The following RAB10 variants were observed in gnomAD, a reference collection of about 807,000 sequenced individuals.
RAB10 encodes the protein RAB10, member RAS oncogene family.
In RAB10, 5 loss-of-function variants were observed where a neutral mutation model predicts 25.7. The ratio of observed to expected loss-of-function variants is 0.19; its 90% CI spans 0.10 to 0.41. The LOEUF is 0.41. Among genes scored for constraint, RAB10 ranks in the 10% least tolerant of loss-of-function variants. RAB10 has a pLI of 1.00. For missense variants in RAB10, 103 were observed against 245.8 expected (o/e 0.42, Z 3.89); for synonymous variants, 89 against 86.4 (o/e 1.03, Z -0.16).
In RAB10 at chr2:26,089,422, C is replaced by CA. The variant is rs11315031; in HGVS notation, c.128-9224dup. ...TGGGCGATAGAGTGAGACTCTGTCT[C>CA]AAAAAAAAAAAAAAAAGAGAGAGTG... On this transcript the variant is annotated intron_variant, in intron 1 of 5. Transcript: ENST00000264710. 9.5e-3 allele frequency among the ~76,000 whole-genome samples: 1,221 copies of CA among 128,428 alleles called. 12 individuals carry two copies. Among genetic ancestry groups the CA allele is most frequent in the African/African-American group, 0.026 (893 of 34,624 alleles). 84.3% of individuals were successfully genotyped at this position (128,428 alleles called of 152,430 possible).
rs374202361 is a variant in RAB10 at position 26,086,618 on chromosome 2, A to T, written c.128-12044A>T. On this transcript the variant is annotated intron_variant, in intron 1 of 5. Coordinates refer to ENST00000264710, the MANE Select transcript of RAB10 (RefSeq NM_016131.5). Reference sequence around the variant, plus strand: ...GTGTATGCCCAAAAGAATTGAAAACAGATACTCAAATACATGTATATGCAT... The same window carrying T: ...GTGTATGCCCAAAAGAATTGAAAACTGATACTCAAATACATGTATATGCAT... Among the ~76,000 whole-genome samples, 406 of 152,360 alleles carry T rather than the reference A, an allele frequency of 2.7e-3. 14 individuals carry two copies. In the South Asian group the frequency reaches 0.081, roughly 30 times the overall value.
chr2:26,063,924 A>G (rs1431053991), intron 1 of RAB10, among the ~76,000 whole-genome samples: 4 of 152,148 alleles, frequency 2.6e-5, no homozygotes, highest in African/African-American at 9.7e-5. Flanking sequence ...CAGCTGCCCA[A>G]GCAGCTGGGA....
chr2:26,130,515 C>T (rs772133599), intron 5 of RAB10, among the ~76,000 whole-genome samples: 9 of 151,796 alleles, frequency 5.9e-5, no homozygotes, highest in Non-Finnish European at 1.3e-4. Context: ...GACTATGTTG[C>T]CCAGGCTAGA....
upstream of RAB10, among the ~76,000 whole-genome samples, chr2:26,033,602 T>C (rs1395550571): frequency 2.6e-5 from 4 of 152,194 alleles, no homozygotes; most frequent in African/African-American, 9.6e-5. Context: ...TTTTCTCGCG[T>C]TTACGAGCTC....
At chr2:26,099,298 G>T (rs1667291747) in intron 2 of RAB10, among the ~76,000 whole-genome samples, 1 of 152,054 alleles carries the variant, frequency 6.6e-6, no homozygotes, top group Non-Finnish European at 1.5e-5. Flanking sequence ...CTTTATTGAG[G>T]TATAATCTAA....
intron 3 of RAB10, among the ~76,000 whole-genome samples, chr2:26,122,309 T>C (rs1667820864): frequency 6.6e-6 from 1 of 152,206 alleles, no homozygotes; most frequent in African/African-American, 2.4e-5. Context: ...GCAGCTCTTA[T>C]GTGGGTACAG....
In RAB10 at chr2:26,134,829, G is replaced by C. The variant is rs1668076168; in HGVS notation, c.520-109G>C. 3 of 799,138 alleles carry C rather than the reference G, an allele frequency of 3.8e-6. No individual in the cohort carries two copies. In the African/African-American group the frequency reaches 5.3e-5, roughly 14 times the overall value. 49.5% of individuals were successfully genotyped at this position (799,138 alleles called of 1,614,324 possible). On this transcript the variant is annotated intron_variant, in intron 5 of 5. Transcript: ENST00000264710. The stretch of plus-strand genomic sequence containing the variant: ...GAGGGGAAACCTATCTCCTGTGATT[G>C]TAGTTGTATTTTGTTGTATAAATTG...
chr2:26,124,448 G>A (rs1050906315), intron 3 of RAB10, among the ~76,000 whole-genome samples: 3 of 110,066 alleles, frequency 2.7e-5, no homozygotes, highest in African/African-American at 1.0e-4. Flanking sequence ...TGCCCTGGCT[G>A]GAGTGCAGTG....
At chr2:26,086,359 A>G (rs1470723316) in intron 1 of RAB10, among the ~76,000 whole-genome samples, 1 of 152,228 alleles carries the variant, frequency 6.6e-6, no homozygotes, top group African/African-American at 2.4e-5. Flanking sequence ...AAAGTTCTCA[A>G]CATCATTAGT....
At chr2:26,054,562 A>G (rs1021210223) in intron 1 of RAB10, among the ~76,000 whole-genome samples, 2 of 152,218 alleles carry the variant, frequency 1.3e-5, no homozygotes, top group African/African-American at 4.8e-5. Flanking sequence ...TATATTCAGC[A>G]TAGTTAATAG....
rs61757822 is a variant in RAB10, at chr2:26,134,940, C to A, written c.522C>A (p.Thr174=). The change falls in exon 6 of 6, where the codon ACC becomes ACA. Residue 174 remains threonine, a splice_region_variant and synonymous_variant. Coordinates refer to ENST00000264710, the MANE Select transcript of RAB10 (RefSeq NM_016131.5). Reference sequence around the variant, plus strand: ...TTTTCCTTGTGTGTTTGTTGCAGACCCCTGTAAAAGAGCCCAACAGTGAAA... The same window carrying A: ...TTTTCCTTGTGTGTTTGTTGCAGACACCTGTAAAAGAGCCCAACAGTGAAA... ...LTLAEDILRK[T]PVKEPNSENV... The A allele has an allele frequency of 1.8e-3, 2,844 of 1,611,276 alleles. 36 individuals are homozygous for A. In the African/African-American group the frequency reaches 0.027, roughly 15 times the overall value.
intron 1 of RAB10, among the ~76,000 whole-genome samples, chr2:26,045,440 T>C (rs1020504323): frequency 2.6e-5 from 4 of 151,718 alleles, no homozygotes; most frequent in African/African-American, 9.7e-5. Context: ...GGGGTTTCAC[T>C]GTGTTAGCCA....
intron 1 of RAB10, 143 bp from the exon 2 acceptor site, chr2:26,098,519 C>A: frequency 1.6e-6 from 1 of 636,810 alleles, no homozygotes; most frequent in Non-Finnish European, 2.7e-6. Flanking sequence ...GATACATTTG[C>A]TCAGTGTTGC....
chr2:26,093,871 C>T (rs992327737), intron 1 of RAB10, among the ~76,000 whole-genome samples: 1 of 152,140 alleles, frequency 6.6e-6, no homozygotes, highest in African/African-American at 2.4e-5. Flanking sequence ...GAAAAATTTA[C>T]TACCTTGTTT....
chr2:26,132,722 AAAT>A (rs1400203997), intron 5 of RAB10, among the ~76,000 whole-genome samples: 1 of 151,974 alleles, frequency 6.6e-6, no homozygotes. Flanking sequence ...TCAACTTAAT[AAAT>A]ATTTTGGCTG....
chr2:26,129,455 A>C (rs1033954479), intron 5 of RAB10, among the ~76,000 whole-genome samples: 29 of 152,126 alleles, frequency 1.9e-4, no homozygotes, highest in Non-Finnish European at 3.8e-4. Context: ...TTCTTAACCA[A>C]CCAGTTTTCT....
At chr2:26,092,705 T>C (rs934047751) in intron 1 of RAB10, among the ~76,000 whole-genome samples, 2 of 152,178 alleles carry the variant, frequency 1.3e-5, no homozygotes, top group African/African-American at 2.4e-5. Flanking sequence ...ATTTCATCTT[T>C]CTTCAGGCAA....
intron 1 of RAB10, among the ~76,000 whole-genome samples, chr2:26,090,739 G>A (rs1444006066): frequency 6.6e-6 from 1 of 151,962 alleles, no homozygotes; most frequent in East Asian, 1.9e-4. Context: ...TTCAAGACCA[G>A]CCTCCCCAAC....
chr2:26,039,967 AAAAAT>A (rs1237969743), intron 1 of RAB10, among the ~76,000 whole-genome samples: 1 of 152,190 alleles, frequency 6.6e-6, no homozygotes, highest in East Asian at 1.9e-4. Context: ...TATGTAATGA[AAAAAT>A]AAATTTTAAA....
Sources: allele counts gnomAD v4.1 joint callset (sites outside exome capture counted in the v4.1 genomes callset), GRCh38; gene constraint gnomAD v4.1.1; transcripts MANE v1.5; gene names NCBI Gene and HGNC (gene_info 2026-07-23, HGNC 2026-07-21).